CDH22: variants seen among roughly 807,000 people sequenced by gnomAD.
CDH22 encodes the protein cadherin-22.
CDH22 carries 30 observed loss-of-function variants against 58.4 expected under a neutral mutation model. That is an observed-to-expected ratio of 0.51 (90% CI 0.38 to 0.70). The LOEUF (loss-of-function observed/expected upper bound fraction) is 0.70, where lower values mean the gene tolerates loss of function less well. Ranked by LOEUF, CDH22 falls within the 30% of genes least tolerant of loss-of-function variation. The pLI is 0.00. For synonymous variants in CDH22, 513 were observed against 558.2 expected, an observed-to-expected ratio of 0.92 and a Z score of 1.14; for missense variants, 1,014 against 1,233.9, an observed-to-expected ratio of 0.82 and a Z score of 2.67.
intron 10 of CDH22, among the ~76,000 whole-genome samples, chr20:46,178,610 C>A (rs1423325939): frequency 2.4e-4 from 21 of 86,086 alleles, no homozygotes; most frequent in Admixed American, 1.2e-3. Flanking sequence ...TTTTTTTTGC[C>A]ATTTGTCTCA....
rs775364688 is a variant in CDH22 at position 46,186,814 on chromosome 20, C to T, written c.1545+12G>A. On this transcript the variant is annotated intron_variant, in intron 9 of 11. Transcript: ENST00000537909. Reference sequence around the variant, plus strand: ...TGGAAGCAACGCCCAGTCCCCACCCCCTCAGGGGTACCTGGCCTGGCTTGG... The same window carrying T: ...TGGAAGCAACGCCCAGTCCCCACCCTCTCAGGGGTACCTGGCCTGGCTTGG... 8.1e-6 allele frequency: 13 copies of T among 1,598,980 alleles called. No individual in the cohort carries two copies. In the Admixed American group the frequency reaches 8.5e-5, roughly 10 times the overall value.
intron 1 of CDH22, among the ~76,000 whole-genome samples, chr20:46,304,922 C>A (rs1354543763): frequency 6.6e-6 from 1 of 152,196 alleles, no homozygotes; most frequent in Non-Finnish European, 1.5e-5. Flanking sequence ...CTCCTCCAGG[C>A]AGGCACAGCC....
At chr20:46,262,605 C>A (rs1031716487) in intron 1 of CDH22, among the ~76,000 whole-genome samples, 1 of 152,130 alleles carries the variant, frequency 6.6e-6, no homozygotes, top group African/African-American at 2.4e-5. Flanking sequence ...CCACACACAG[C>A]CTTTTGAGGT....
At chr20:46,301,498 T>A (rs1036097946) in intron 1 of CDH22, among the ~76,000 whole-genome samples, 2 of 137,996 alleles carry the variant, frequency 1.4e-5, no homozygotes, top group African/African-American at 5.8e-5. Context: ...ACTTGCCTAT[T>A]AAAAAAATAT....
chr20:46,306,613 C>T lies in CDH22; in HGVS notation c.-400+1642G>A, dbSNP rs1236293422. ...CCAGGAGGAATGGAAGAGGAGTGTC[C>T]CAGACACTGGGACAAGGAGGGAAAT... On this transcript the variant is annotated intron_variant, in intron 1 of 11. Coordinates refer to ENST00000537909, the MANE Select transcript of CDH22 (RefSeq NM_021248.3). Among the ~76,000 whole-genome samples, 4 of 152,106 alleles carry T rather than the reference C, an allele frequency of 2.6e-5. No homozygotes were observed. In the East Asian group the frequency reaches 7.7e-4, roughly 29 times the overall value.
At chr20:46,298,062 C>T (rs1454573825) in intron 1 of CDH22, among the ~76,000 whole-genome samples, 1 of 152,178 alleles carries the variant, frequency 6.6e-6, no homozygotes, top group Non-Finnish European at 1.5e-5. Context: ...TAGATGATAT[C>T]CCCCTACAGC....
intron 1 of CDH22, among the ~76,000 whole-genome samples, chr20:46,285,500 T>G (rs1030430476): frequency 2.6e-5 from 4 of 152,172 alleles, no homozygotes; most frequent in African/African-American, 9.7e-5. Flanking sequence ...GCAGGAATGT[T>G]GCTAAACATT....
chr20:46,267,978 C>T (rs1414099528), intron 1 of CDH22, among the ~76,000 whole-genome samples: 3 of 152,252 alleles, frequency 2.0e-5, no homozygotes, highest in African/African-American at 4.8e-5. Context: ...GCCTCAGCTG[C>T]TCCCACAGGG....
intron 8 of CDH22, among the ~76,000 whole-genome samples, chr20:46,198,287 GACACACACACACAC>G (rs368091518): frequency 3.9e-4 from 50 of 128,706 alleles, no homozygotes; most frequent in African/African-American, 1.1e-3. Context: ...GCACCAAAAA[GACACACACACACAC>G]ACACACACAC....
intron 1 of CDH22, among the ~76,000 whole-genome samples, chr20:46,262,754 C>A (rs1404362080): frequency 6.6e-6 from 1 of 152,190 alleles, no homozygotes; most frequent in Non-Finnish European, 1.5e-5. Context: ...AAGCCTGCAC[C>A]TTTAGCCACT....
chr20:46,177,027 G>C (rs912787728), intron 11 of CDH22, among the ~76,000 whole-genome samples: 14 of 152,216 alleles, frequency 9.2e-5, no homozygotes, highest in African/African-American at 2.9e-4. Context: ...GGGCTAGGGT[G>C]GGGGGAGAAG....
At position 46,266,612 on chromosome 20, in the gene CDH22, C is replaced by A. The variant is rs893143402; in HGVS notation, c.-399-14919G>T. On this transcript the variant is annotated intron_variant, in intron 1 of 11. Transcript: ENST00000537909. Reference sequence around the variant, plus strand: ...TAGTTAATTTTTATTGTAACCTGAGCAGATGACATTAAAGAATCTGTCCCT... The same window carrying A: ...TAGTTAATTTTTATTGTAACCTGAGAAGATGACATTAAAGAATCTGTCCCT... Among the ~76,000 whole-genome samples the A allele has an allele frequency of 4.6e-5, 7 of 152,342 alleles. No individual in the cohort carries two copies. The South Asian group carries it at 1.0e-3, about 23-fold the overall frequency.
intron 4 of CDH22, among the ~76,000 whole-genome samples, chr20:46,219,068 G>A (rs952910089): frequency 2.0e-5 from 3 of 152,212 alleles, no homozygotes; most frequent in African/African-American, 7.2e-5. Flanking sequence ...GTGTGTATGT[G>A]TGGTGTTTGT....
chr20:46,298,013 A>G lies in CDH22; in HGVS notation c.-400+10242T>C, dbSNP rs184222389. Among the ~76,000 whole-genome samples, 3 of 151,968 alleles carry G rather than the reference A, an allele frequency of 2.0e-5. No individual in the cohort carries two copies. The East Asian group carries it at 5.8e-4, about 29-fold the overall frequency. ...GCCCCCTCTACTAACTCCTCCACAA[A>G]TGTCCCACTCTGCACCCATTTCCTC... On this transcript the variant is annotated intron_variant, in intron 1 of 11. Coordinates refer to ENST00000537909, the MANE Select transcript of CDH22 (RefSeq NM_021248.3).
Position 46,181,795 on chromosome 20 carries a change from T to TTTCTTTCTTTCTTTCTTTCTTTC in CDH22, c.1664-3599_1664-3598insGAAAGAAAGAAAGAAAGAAAGAA, listed in dbSNP as rs1491111907. ...TCTTTCTTTCTTTCTTTCTTTCTTT[T>TTTCTTTCTTTCTTTCTTTCTTTC]CTCTCTCTTTCTCTTTCCTTTCTTT... On this transcript the variant is annotated intron_variant, in intron 10 of 11. Transcript: ENST00000537909. Among the ~76,000 whole-genome samples, 118 of 45,576 alleles carry TTTCTTTCTTTCTTTCTTTCTTTC rather than the reference T, an allele frequency of 2.6e-3. 1 individual carries two copies. Among genetic ancestry groups the TTTCTTTCTTTCTTTCTTTCTTTC allele is most frequent in the African/African-American group, 3.9e-3 (53 of 13,762 alleles). The allele number at this position is 45,576 out of a possible 152,430, so 29.9% of individuals were successfully genotyped here. A position where few individuals can be genotyped will look rare whatever the true frequency, so the allele number is the denominator to read the frequency against.
At chr20:46,181,843 A>T (rs182009087) in intron 10 of CDH22, among the ~76,000 whole-genome samples, 1 of 140,000 alleles carries the variant, frequency 7.1e-6, no homozygotes, top group Non-Finnish European at 1.5e-5. Context: ...CTTTCACAGA[A>T]TCTTGCTCTG....
At chr20:46,178,586 C>CTTTTTTTTGTTTTTTTT (rs2085759438) in intron 10 of CDH22, among the ~76,000 whole-genome samples, 1 of 95,376 alleles carries the variant, frequency 1.0e-5, no homozygotes, top group Non-Finnish European at 2.0e-5. Context: ...CTGGCGTTGT[C>CTTTTTTTTGTTTTTTTT]TTTTTTTTTT....
chr20:46,268,819 A>C (rs2086474267), intron 1 of CDH22, among the ~76,000 whole-genome samples: 1 of 151,938 alleles, frequency 6.6e-6, no homozygotes, highest in Admixed American at 6.5e-5. Context: ...CATTATATAG[A>C]TGGGCAAACT....
At chr20:46,307,664 CG>C (rs2059030064) in intron 1 of CDH22, among the ~76,000 whole-genome samples, 1 of 152,104 alleles carries the variant, frequency 6.6e-6, no homozygotes, top group Admixed American at 6.5e-5. Context: ...GGACCAGAAC[CG>C]TGCGTGTCGC....
Sources: gnomAD v4.1 joint callset for allele counts (sites outside exome capture counted in the v4.1 genomes callset) on GRCh38, gnomAD v4.1.1 for gene constraint, MANE v1.5 for transcripts, NCBI Gene and HGNC (gene_info 2026-07-23, HGNC 2026-07-21) for gene names.